Variants in IL2RB observed in about 807,000 individuals in gnomAD.
The protein encoded by IL2RB is interleukin 2 receptor subunit beta.
IL2RB carries 17 observed loss-of-function variants against 44.2 expected under a neutral mutation model. The ratio of observed to expected loss-of-function variants is 0.38; its 90% CI spans 0.26 to 0.58. IL2RB has a LOEUF of 0.58. IL2RB is among the 20% of genes least tolerant of loss of function. The probability of loss-of-function intolerance (pLI) is 0.63; values close to 1 mark genes in which losing one functional copy is unlikely to be tolerated. For synonymous variants in IL2RB, 286 were observed against 297.9 expected (o/e 0.96, Z 0.41); for missense variants, 624 against 685.5 (o/e 0.91, Z 1.00).
At chr22:37,162,863 C>T (rs1427870573) in intron 1 of IL2RB, among the ~76,000 whole-genome samples, 2 of 152,172 alleles carry the variant, frequency 1.3e-5, no homozygotes, top group Non-Finnish European at 2.9e-5. Context: ...CACCTCCTCA[C>T]ACTCTGCCCA....
At chr22:37,156,390 G>A (rs1466236748) in intron 1 of IL2RB, among the ~76,000 whole-genome samples, 3 of 152,218 alleles carry the variant, frequency 2.0e-5, no homozygotes, top group African/African-American at 7.2e-5. Flanking sequence ...ATAAGAGAGG[G>A]CTTTATTTCT....
At chr22:37,145,406 C>G (rs913772120) in intron 1 of IL2RB, among the ~76,000 whole-genome samples, 2 of 151,890 alleles carry the variant, frequency 1.3e-5, no homozygotes, top group Non-Finnish European at 1.5e-5. Flanking sequence ...GCACTGGCCA[C>G]TGGCCAGTGC....
chr22:37,155,208 C>T (rs1344635139), intron 1 of IL2RB, among the ~76,000 whole-genome samples: 1 of 152,088 alleles, frequency 6.6e-6, no homozygotes, highest in Non-Finnish European at 1.5e-5. Flanking sequence ...TTCTTCAGCC[C>T]CTGCCCTGCT....
chr22:37,168,285 G>C (rs1923146882), intron 1 of IL2RB, among the ~76,000 whole-genome samples: 1 of 152,194 alleles, frequency 6.6e-6, no homozygotes, highest in African/African-American at 2.4e-5. Flanking sequence ...AGAAAATGTG[G>C]TCATAATGAG....
At chr22:37,151,420 T>C (rs914902341), upstream of IL2RB, among the ~76,000 whole-genome samples, 9 of 152,216 alleles carry the variant, frequency 5.9e-5, no homozygotes, top group African/African-American at 1.7e-4. Context: ...TTTCTATAAT[T>C]TTTTTCCATA....
intron 1 of IL2RB, among the ~76,000 whole-genome samples, chr22:37,173,068 C>T (rs1370243643): frequency 1.3e-5 from 2 of 152,192 alleles, no homozygotes; most frequent in Admixed American, 6.5e-5. Flanking sequence ...TGGCTCCTTC[C>T]GGCCTCTGGG....
chr22:37,172,876 A>G (rs941786774), intron 1 of IL2RB, among the ~76,000 whole-genome samples: 2 of 152,050 alleles, frequency 1.3e-5, no homozygotes, highest in Non-Finnish European at 2.9e-5. Flanking sequence ...AGACTCCTGT[A>G]AGGAGCCCTG....
intron 4 of IL2RB, 71 bp downstream of exon 4, chr22:37,142,363 A>C: frequency 1.4e-6 from 2 of 1,413,248 alleles, no homozygotes; most frequent in East Asian, 2.3e-5. Flanking sequence ...CATCCGGCCC[A>C]CCCTGAGATC....
intron 8 of IL2RB, among the ~76,000 whole-genome samples, chr22:37,133,863 T>G (rs1431730154): frequency 6.6e-6 from 1 of 152,212 alleles, no homozygotes; most frequent in Admixed American, 6.5e-5. Context: ...CCCTGCACTC[T>G]GTTCCTGGAA....
intron 1 of IL2RB, among the ~76,000 whole-genome samples, chr22:37,155,640 G>A (rs1009909660): frequency 2.0e-5 from 3 of 152,210 alleles, no homozygotes; most frequent in African/African-American, 4.8e-5. Context: ...GAGGACATCC[G>A]ATTCTCTCTG....
chr22:37,161,706 C>T (rs1222150739), intron 1 of IL2RB: 2 of 151,448 alleles, frequency 1.3e-5, no homozygotes, highest in Non-Finnish European at 2.9e-5. Context: ...AGACTGCTGA[C>T]TGGGAGGGCA....
At chr22:37,133,557 C>G (rs575416749) in intron 8 of IL2RB, among the ~76,000 whole-genome samples, 4 of 152,200 alleles carry the variant, frequency 2.6e-5, no homozygotes, top group African/African-American at 9.7e-5. Context: ...GCTAGGCACG[C>G]TTTGCAAACC....
rs774508915 is a variant in IL2RB, at chr22:37,143,611, T to A, written c.113A>T (p.Tyr38Phe). The A allele has an allele frequency of 5.8e-5, 93 of 1,613,808 alleles. No individual in the cohort carries two copies. The highest frequency in any genetic ancestry group is 7.6e-5 in the Non-Finnish European group (90 of 1,179,926). Residue 38 changes from tyrosine (Y) to phenylalanine (F), a missense_variant, in exon 3 of 10, where the codon TAC (tyrosine) becomes TTC (phenylalanine). This residue lies in a region of IL2RB where 78 missense variants were observed against 70.0 expected (regional missense o/e 1.11). Coordinates refer to ENST00000216223, the MANE Select transcript of IL2RB (RefSeq NM_000878.5). The part of the protein sequence containing the change: ...VNGTSQFTCF[Y>F]NSRANISCVW... The stretch of plus-strand genomic sequence containing the variant: ...ACAGGAGATGTTGGCTCTCGAGTTG[T>A]AGAAGCATGTGAACTGGGAAGTGCC...
intron 3 of IL2RB, among the ~76,000 whole-genome samples, 159 bp downstream of exon 3, chr22:37,143,362 T>G: frequency 6.6e-6 from 1 of 152,160 alleles, no homozygotes; most frequent in East Asian, 1.9e-4. Context: ...AACGATCCCT[T>G]GATTCCAGGC....
Position 37,128,612 on chromosome 22 carries a change from C to T in IL2RB, c.1140G>A (p.Val380=), listed in dbSNP as rs775624588. 9.3e-6 allele frequency: 15 copies of T among 1,614,020 alleles called. No homozygotes were observed. The highest frequency in any genetic ancestry group is 1.2e-5 in the Non-Finnish European group (14 of 1,179,994). The change falls in exon 10 of 10, where the codon GTG becomes GTA. Residue 380 remains valine, a synonymous_variant. Transcript: ENST00000216223. This position sits in a 1 kb window ranked among gnomAD's most constrained non-coding sequence, Gnocchi z 4.5. ...CTGAGTAGGGGTCGTAAGTAAAGTACACCTGGCAGGCCTCTATCTCCAAGG... is the reference window on the plus strand; with the variant it reads ...CTGAGTAGGGGTCGTAAGTAAAGTATACCTGGCAGGCCTCTATCTCCAAGG... ...PDALEIEACQ[V]YFTYDPYSEE... is the part of the protein sequence containing the mutation.
Position 37,128,426 on chromosome 22 carries a change from G to T in IL2RB, c.1326C>A (p.Ser442Arg). 2 of 1,532,326 alleles carry T rather than the reference G, an allele frequency of 1.3e-6. No individual in the cohort carries two copies. Among genetic ancestry groups the T allele is most frequent in the Non-Finnish European group, 1.8e-6 (2 of 1,138,126 alleles). The allele number at this position is 1,532,326 out of a possible 1,614,324, so 94.9% of individuals were successfully genotyped here. ...PSLLGGPSPP[S>R]TAPGGSGAGE... ...CGGCCCCACTGCCCCCAGGGGCAGT[G>T]CTTGGGGGGCTGGGGCCACCGAGGA... The change falls in exon 10 of 10, where the codon AGC becomes AGA. Residue 442 changes from serine to arginine, a missense_variant. Ser to Arg is a moderately radical substitution (Grantham distance 110). This residue lies in a region of IL2RB where 291 missense variants were observed against 275.5 expected (regional missense o/e 1.06). Coordinates refer to ENST00000216223, the MANE Select transcript of IL2RB (RefSeq NM_000878.5). The surrounding 1 kb of genome is among the most constrained non-coding windows in gnomAD (Gnocchi z 4.5).
intron 8 of IL2RB, among the ~76,000 whole-genome samples, chr22:37,133,354 G>A (rs1208701507): frequency 9.2e-5 from 14 of 152,166 alleles, no homozygotes; most frequent in Non-Finnish European, 4.4e-5. Context: ...AAGAGGAAAC[G>A]GGGCTCCGAA....
rs778636624 is a variant in IL2RB, at chr22:37,164,910, G to T, written c.-34+10048C>A. Among the ~76,000 whole-genome samples, 39 of 152,140 alleles carry T rather than the reference G, an allele frequency of 2.6e-4. 1 individual carries two copies. The highest frequency in any genetic ancestry group is 5.0e-4 in the Non-Finnish European group (34 of 68,026). On this transcript the variant is annotated intron_variant, in intron 1 of 5. Coordinates refer to the IL2RB transcript ENST00000429622. ...CCGACTATGCTGAAGGCAGTTTCAGGTTCAAGAGCATCAGCATTCCCTGAG... is the reference window on the plus strand; with the variant it reads ...CCGACTATGCTGAAGGCAGTTTCAGTTTCAAGAGCATCAGCATTCCCTGAG...
Position 37,137,572 on chromosome 22 carries a change from G to A in IL2RB, c.537+15C>T. 6.2e-7 allele frequency: 1 copy of A among 1,613,720 alleles called. No homozygotes were observed. The highest frequency in any genetic ancestry group is 8.5e-7 in the Non-Finnish European group (1 of 1,179,648). Reference sequence around the variant, plus strand: ...GGAGGAACCAAGGCAGGTACGGACTGGGCCACATTCTCACCTCCCAGGTGT... The same window carrying A: ...GGAGGAACCAAGGCAGGTACGGACTAGGCCACATTCTCACCTCCCAGGTGT... On this transcript the variant is annotated intron_variant, in intron 6 of 9. Transcript: ENST00000216223.
Sources: allele counts gnomAD v4.1 joint callset (sites outside exome capture counted in the v4.1 genomes callset), GRCh38; gene constraint gnomAD v4.1.1; regional missense constraint gnomAD v4.1.1; non-coding constraint Gnocchi (gnomAD v3.1); transcripts MANE v1.5; gene names NCBI Gene and HGNC (gene_info 2026-07-23, HGNC 2026-07-21).